Variants in MINPP1 observed in about 807,000 individuals in gnomAD.
MINPP1 encodes the protein multiple inositol polyphosphate phosphatase 1.
Under a neutral mutation model 46.1 loss-of-function variants are expected in MINPP1, and 28 were observed. The ratio of observed to expected loss-of-function variants is 0.61; its 90% CI spans 0.45 to 0.83. MINPP1 has a LOEUF of 0.83. Ranked by LOEUF, MINPP1 falls within the 40% of genes least tolerant of loss-of-function variation. The pLI, the probability that MINPP1 is intolerant of heterozygous loss-of-function variation, is 0.00. For missense variants in MINPP1, 603 were observed against 610.0 expected, an observed-to-expected ratio of 0.99 and a Z score of 0.12; for synonymous variants, 268 against 249.1, an observed-to-expected ratio of 1.08 and a Z score of -0.72.
chr10:87,540,089 C>G (rs1851792604), intron 4 of MINPP1, among the ~76,000 whole-genome samples: 1 of 152,160 alleles, frequency 6.6e-6, no homozygotes, highest in Non-Finnish European at 1.5e-5. Flanking sequence ...AGGCTAGTCT[C>G]AAACTCCTGG....
chr10:87,505,099 T>G lies in MINPP1; in HGVS notation c.184T>G (p.Ser62Ala). ...RYEDVNPVLLSGPEAPWRDPE... is the reference protein window; with the variant it reads ...RYEDVNPVLLAGPEAPWRDPE... ...CGAGGATGTCAACCCCGTGCTATTGTCGGGCCCCGAGGCTCCGTGGCGGGA... is the reference window on the plus strand; with the variant it reads ...CGAGGATGTCAACCCCGTGCTATTGGCGGGCCCCGAGGCTCCGTGGCGGGA... The change falls in exon 1 of 5, where the codon TCG becomes GCG. Residue 62 changes from serine to alanine, a missense_variant. Transcript: ENST00000371996. The surrounding 1 kb of genome is among the most constrained non-coding windows in gnomAD (Gnocchi z 4.4). 2 of 1,613,478 alleles carry G rather than the reference T, an allele frequency of 1.2e-6. No individual in the cohort carries two copies. The highest frequency in any genetic ancestry group is 8.5e-7 in the Non-Finnish European group (1 of 1,179,866).
intron 3 of MINPP1, among the ~76,000 whole-genome samples, chr10:87,514,097 A>T (rs753097308): frequency 6.6e-6 from 1 of 152,118 alleles, no homozygotes; most frequent in South Asian, 2.1e-4. Flanking sequence ...CTCGAGATTC[A>T]TAAGTTAATC....
chr10:87,508,283 CTG>C, intron 1 of MINPP1, 51 bp from the exon 2 acceptor site: 1 of 1,597,482 alleles, frequency 6.3e-7, no homozygotes, highest in Non-Finnish European at 8.6e-7. Context: ...TAATTTGAAA[CTG>C]TCATTTATGT....
rs1228570702 is a variant in MINPP1, at chr10:87,505,488, C to A, written c.573C>A (p.Ser191Arg). Reference sequence around the variant, plus strand: ...CCAAGCACCGCTGCATGGATAGCAGCGCCGCCTTCCTGCAGGGGCTGTGGC... The same window carrying A: ...CCAAGCACCGCTGCATGGATAGCAGAGCCGCCTTCCTGCAGGGGCTGTGGC... ...TSSKHRCMDS[S>R]AAFLQGLWQH... The change falls in exon 1 of 5, where the codon AGC becomes AGA. Residue 191 changes from serine to arginine, a missense_variant. By Grantham distance (110) the Ser-to-Arg change is moderately radical. Around this residue, in one of 3 missense-constraint regions of MINPP1, gnomAD observed 344 missense variants for 381.1 expected, o/e 0.90. Coordinates refer to ENST00000371996, the MANE Select transcript of MINPP1 (RefSeq NM_004897.5). The surrounding 1 kb of genome is among the most constrained non-coding windows in gnomAD (Gnocchi z 4.4). 3 of 1,612,580 alleles carry A rather than the reference C, an allele frequency of 1.9e-6. No individual in the cohort carries two copies. The highest frequency in any genetic ancestry group is 2.5e-6 in the Non-Finnish European group (3 of 1,179,598).
In MINPP1 at chr10:87,553,137, A is replaced by G. The variant is rs942330346; in HGVS notation, c.*659A>G. ...TTCCTTTTTACTTCTAGGAAGTCTC[A>G]AAAGACCATCTTAAATTATTATATG... On this transcript the variant is annotated 3_prime_UTR_variant, in exon 5 of 5. Coordinates refer to ENST00000371996, the MANE Select transcript of MINPP1 (RefSeq NM_004897.5). 6.6e-6 allele frequency: 1 copy of G among 152,182 alleles called. No homozygotes were observed. Among genetic ancestry groups the G allele is most frequent in the Non-Finnish European group, 1.5e-5 (1 of 68,022 alleles). The allele number at this position is 152,182 out of a possible 1,614,324, so 9.4% of individuals were successfully genotyped here.
intron 2 of MINPP1, among the ~76,000 whole-genome samples, chr10:87,511,162 A>G (rs901320900): frequency 1.3e-5 from 2 of 152,128 alleles, no homozygotes; most frequent in African/African-American, 4.8e-5. Flanking sequence ...CCTTTTATGT[A>G]TTATGGATAT....
intron 4 of MINPP1, among the ~76,000 whole-genome samples, chr10:87,539,556 A>T (rs563863691): frequency 9.2e-5 from 14 of 152,238 alleles, no homozygotes; most frequent in Non-Finnish European, 2.1e-4. Context: ...GGACAAAATT[A>T]TCAGACATTT....
chr10:87,528,178 T>C (rs1379518789), intron 4 of MINPP1, among the ~76,000 whole-genome samples: 2 of 152,226 alleles, frequency 1.3e-5, no homozygotes, highest in African/African-American at 4.8e-5. Context: ...CACTGATTTT[T>C]TTTGAAGGGT....
At chr10:87,547,159 T>G (rs1851898916) in intron 4 of MINPP1, among the ~76,000 whole-genome samples, 1 of 152,150 alleles carries the variant, frequency 6.6e-6, no homozygotes, top group Admixed American at 6.5e-5. Context: ...TCACCCGGGC[T>G]AGAGTGCAGT....
intron 4 of MINPP1, among the ~76,000 whole-genome samples, chr10:87,540,038 G>T (rs762829542): frequency 7.2e-5 from 11 of 152,122 alleles, no homozygotes; most frequent in Non-Finnish European, 1.6e-4. Context: ...GGCTAATTTT[G>T]TGGGGAGTTT....
chr10:87,506,530 A>G (rs1294872884), intron 1 of MINPP1, among the ~76,000 whole-genome samples: 1 of 152,216 alleles, frequency 6.6e-6, no homozygotes, highest in Non-Finnish European at 1.5e-5. Flanking sequence ...ACACGAACAC[A>G]TTAAATAATT....
At chr10:87,514,344 A>G (rs1325183349) in intron 3 of MINPP1, among the ~76,000 whole-genome samples, 7 of 152,328 alleles carry the variant, frequency 4.6e-5, no homozygotes, top group Non-Finnish European at 2.9e-5. Context: ...TATATCATAT[A>G]TATCACAATA....
chr10:87,510,976 G>A (rs937378225), intron 2 of MINPP1, among the ~76,000 whole-genome samples: 6 of 151,704 alleles, frequency 4.0e-5, no homozygotes, highest in Non-Finnish European at 7.4e-5. Flanking sequence ...TTTAATTTTC[G>A]CCAATTTGAT....
chr10:87,550,314 G>A (rs1186584488), intron 4 of MINPP1, among the ~76,000 whole-genome samples: 1 of 152,124 alleles, frequency 6.6e-6, no homozygotes, highest in Non-Finnish European at 1.5e-5. Context: ...TTGCTTCTTG[G>A]AAATAAATAC....
intron 4 of MINPP1, among the ~76,000 whole-genome samples, chr10:87,536,781 C>T (rs1405405004): frequency 6.6e-6 from 1 of 152,160 alleles, no homozygotes; most frequent in African/African-American, 2.4e-5. Flanking sequence ...AGATCCACCA[C>T]CATTTGTTCA....
chr10:87,542,332 CAG>C (rs1258015442), intron 4 of MINPP1, among the ~76,000 whole-genome samples: 5 of 148,866 alleles, frequency 3.4e-5, no homozygotes, highest in Admixed American at 6.7e-5. Context: ...TTTTTTTAAA[CAG>C]AGTCTCACTC....
chr10:87,542,133 TC>T (rs940175528), intron 4 of MINPP1, among the ~76,000 whole-genome samples: 26 of 152,272 alleles, frequency 1.7e-4, no homozygotes, highest in Middle Eastern at 3.4e-3. Context: ...CCACCTGTGA[TC>T]CTGTGAGATC....
At chr10:87,520,057 AGTGTGT>A (rs141533495) in intron 3 of MINPP1, among the ~76,000 whole-genome samples, 1 of 147,364 alleles carries the variant, frequency 6.8e-6, no homozygotes, top group Non-Finnish European at 1.5e-5. Flanking sequence ...TAAAAGGTAT[AGTGTGT>A]GTGTGTGTGT....
At chr10:87,546,461 G>T (rs1199887437) in intron 4 of MINPP1, 3 of 152,358 alleles carry the variant, frequency 2.0e-5, no homozygotes, top group Admixed American at 1.3e-4. Context: ...TATCAGCAGG[G>T]TCCTTGTGAC....
Sources: allele counts gnomAD v4.1 joint callset (sites outside exome capture counted in the v4.1 genomes callset), GRCh38; gene constraint gnomAD v4.1.1; regional missense constraint gnomAD v4.1.1; non-coding constraint Gnocchi (gnomAD v3.1); transcripts MANE v1.5; gene names NCBI Gene and HGNC (gene_info 2026-07-23, HGNC 2026-07-21).